SEMA4F: variants seen among roughly 807,000 people sequenced by gnomAD.
SEMA4F encodes semaphorin-4F.
SEMA4F carries 51 observed loss-of-function variants against 78.4 expected under a neutral mutation model. The ratio of observed to expected loss-of-function variants is 0.65; its 90% CI spans 0.52 to 0.82. The LOEUF (loss-of-function observed/expected upper bound fraction) is 0.82. Among genes scored for constraint, SEMA4F ranks in the 40% least tolerant of loss-of-function variants. SEMA4F has a pLI of 0.00. For missense variants in SEMA4F, 938 were observed against 1,014.4 expected (o/e 0.92, Z 1.02); for synonymous variants, 418 against 408.7 (o/e 1.02, Z -0.27).
At chr2:74,668,929 CAAAA>C (rs1308342967) in intron 5 of SEMA4F, among the ~76,000 whole-genome samples, 2 of 55,642 alleles carry the variant, frequency 3.6e-5, no homozygotes, top group Non-Finnish European at 7.2e-5. Context: ...CAAGCGTGGC[CAAAA>C]AAAAAAAAAA....
the SEMA4F span, among the ~76,000 whole-genome samples, chr2:74,706,635 A>G: frequency 6.6e-6 from 1 of 152,180 alleles, no homozygotes; most frequent in East Asian, 1.9e-4. Flanking sequence ...GACGTGGGGA[A>G]GTTTCTGACA....
In SEMA4F at chr2:74,658,720, T is replaced by C. The variant is rs150185144; in HGVS notation, c.456+769T>C. On this transcript the variant is annotated intron_variant, in intron 4 of 13. Coordinates refer to ENST00000357877, the MANE Select transcript of SEMA4F (RefSeq NM_004263.5). This position sits in a 1 kb window ranked among gnomAD's most constrained non-coding sequence, Gnocchi z 4.3. ...TCTGTTACACAGTAGTCAGCACTGG[T>C]CTTTTGGCAGCTCACATTTGTGACA... 4.5e-3 allele frequency among the ~76,000 whole-genome samples: 690 copies of C among 152,326 alleles called. 8 individuals are homozygous for C. Among genetic ancestry groups the C allele is most frequent in the African/African-American group, 0.016 (656 of 41,566 alleles).
At chr2:74,676,064 C>T (rs1662780998) in intron 12 of SEMA4F, among the ~76,000 whole-genome samples, 155 bp downstream of exon 12, 1 of 152,242 alleles carries the variant, frequency 6.6e-6, no homozygotes, top group Admixed American at 6.5e-5. Flanking sequence ...TCTGTCAGTC[C>T]ATACTAGCTC....
the SEMA4F span, among the ~76,000 whole-genome samples, chr2:74,695,862 A>G: frequency 6.6e-6 from 1 of 152,198 alleles, no homozygotes; most frequent in Non-Finnish European, 1.5e-5. Flanking sequence ...CTGTACAACG[A>G]AAGGGCACAG....
the SEMA4F span, among the ~76,000 whole-genome samples, chr2:74,695,158 G>T: frequency 0.024 from 3,672 of 152,306 alleles, 127 homozygotes; most frequent in African/African-American, 0.074. Flanking sequence ...ATCTCTGCGT[G>T]TCTCAGCAGG....
At chr2:74,706,574 T>G in the SEMA4F span, among the ~76,000 whole-genome samples, 4 of 152,084 alleles carry the variant, frequency 2.6e-5, no homozygotes, top group South Asian at 2.1e-4. Context: ...CCAAAGAATG[T>G]GGGTGCAGTG....
In SEMA4F at chr2:74,680,294, CCATCCCAG is replaced by C; in HGVS notation, c.*87_*94del. 7.0e-7 allele frequency: 1 copy of C among 1,436,664 alleles called. No individual in the cohort carries two copies. Among genetic ancestry groups the C allele is most frequent in the Non-Finnish European group, 9.4e-7 (1 of 1,066,674 alleles). 89.0% of individuals were successfully genotyped at this position (1,436,664 alleles called of 1,614,324 possible). On this transcript the variant is annotated 3_prime_UTR_variant, in exon 14 of 14. Coordinates refer to ENST00000357877, the MANE Select transcript of SEMA4F (RefSeq NM_004263.5). ...GCTGGGGGTCACTGGGCCTGGAAGA[CCATCCCAG>C]CCTCTGAGTTCTCTTTGAGTATGAG...
rs1684490193 is a variant in SEMA4F at position 74,662,716 on chromosome 2, C to T, written c.457-16C>T. The T allele has an allele frequency of 1.2e-6, 2 of 1,608,922 alleles. No homozygotes were observed. The highest frequency in any genetic ancestry group is 8.5e-7 in the Non-Finnish European group (1 of 1,175,344). On this transcript the variant is annotated splice_polypyrimidine_tract_variant and intron_variant, in intron 4 of 13. Transcript: ENST00000357877. ...CCCTATGACCCCTAAACCAATTGCC[C>T]CCTTCTGGTCTATAGGATGTGTCCA...
chr2:74,675,405 G>C, intron 10 of SEMA4F, 21 bp downstream of exon 10: 2 of 1,609,720 alleles, frequency 1.2e-6, no homozygotes, highest in Non-Finnish European at 1.7e-6. Flanking sequence ...TGGTCAAGCA[G>C]GCTGCCTACC....
chr2:74,705,882 TAA>T, the SEMA4F span, among the ~76,000 whole-genome samples: 1 of 152,222 alleles, frequency 6.6e-6, no homozygotes, highest in Admixed American at 6.5e-5. Context: ...TGCACATTTT[TAA>T]AGTTTCAAAA....
At chr2:74,665,252 C>G (rs1684629323) in intron 5 of SEMA4F, among the ~76,000 whole-genome samples, 1 of 126,792 alleles carries the variant, frequency 7.9e-6, no homozygotes, top group Admixed American at 9.2e-5. Flanking sequence ...TTTTTTGAGA[C>G]AGAGTCTTGA....
At chr2:74,701,159 G>A in the SEMA4F span, among the ~76,000 whole-genome samples, 1 of 152,110 alleles carries the variant, frequency 6.6e-6, no homozygotes, top group African/African-American at 2.4e-5. Flanking sequence ...GGGCATGGAG[G>A]TCTCCATTGT....
the SEMA4F span, among the ~76,000 whole-genome samples, chr2:74,692,375 G>A: frequency 3.6e-3 from 555 of 152,180 alleles, 32 homozygotes; most frequent in East Asian, 0.085. Flanking sequence ...CCCAAGGGAG[G>A]AAACACATAT....
At position 74,682,448 on chromosome 2, in the gene SEMA4F, G is replaced by C. The variant is rs1264919175; in HGVS notation, c.*2239G>C. 6.6e-6 allele frequency: 1 copy of C among 152,028 alleles called. No homozygotes were observed. Among genetic ancestry groups the C allele is most frequent in the Non-Finnish European group, 1.5e-5 (1 of 68,256 alleles). The allele number at this position is 152,028 out of a possible 1,614,324, so 9.4% of individuals were successfully genotyped here. A position where few individuals can be genotyped will look rare whatever the true frequency, so the allele number is the denominator to read the frequency against. On this transcript the variant is annotated 3_prime_UTR_variant, in exon 14 of 14. Coordinates refer to ENST00000357877, the MANE Select transcript of SEMA4F (RefSeq NM_004263.5). ...AAAAAAAAAGATAACCATGACACTCGCAATCATATTAAGCCTCACTCAGTA... is the reference window on the plus strand; with the variant it reads ...AAAAAAAAAGATAACCATGACACTCCCAATCATATTAAGCCTCACTCAGTA...
the SEMA4F span, among the ~76,000 whole-genome samples, chr2:74,707,909 G>C: frequency 6.6e-6 from 1 of 152,028 alleles, no homozygotes. Context: ...CCTCAAGATC[G>C]GTTCAACTAA....
Position 74,681,172 on chromosome 2 carries a change from C to T in SEMA4F, c.*963C>T, listed in dbSNP as rs3025994. 47,287 of 152,542 alleles carry T rather than the reference C, an allele frequency of 0.31. 11,337 individuals carry two copies. Among genetic ancestry groups the T allele is most frequent in the East Asian group, 0.82 (4,248 of 5,172 alleles). 9.4% of individuals were successfully genotyped at this position (152,542 alleles called of 1,614,324 possible). ...TGATTAGGGAACAACAGAAGGGGAACAGTCATAGGATATACGAGCAGTATA... is the reference window on the plus strand; with the variant it reads ...TGATTAGGGAACAACAGAAGGGGAATAGTCATAGGATATACGAGCAGTATA... On this transcript the variant is annotated 3_prime_UTR_variant, in exon 14 of 14. Transcript: ENST00000357877.
the SEMA4F span, among the ~76,000 whole-genome samples, chr2:74,694,562 T>A: frequency 6.6e-6 from 1 of 152,302 alleles, no homozygotes; most frequent in African/African-American, 2.4e-5. Flanking sequence ...GCGTTCCTAT[T>A]CCCAGTCATT....
chr2:74,709,391 A>G, the SEMA4F span, among the ~76,000 whole-genome samples: 1 of 152,222 alleles, frequency 6.6e-6, no homozygotes, highest in Non-Finnish European at 1.5e-5. Flanking sequence ...TCAGGAATAA[A>G]AGGGAGATTG....
Position 74,675,317 on chromosome 2 carries a change from C to T in SEMA4F, c.1305C>T (p.Leu435=), listed in dbSNP as rs369449906. The change falls in exon 10 of 14, where the codon CTC becomes CTT. Residue 435 remains leucine (L), a synonymous_variant. Coordinates refer to ENST00000357877, the MANE Select transcript of SEMA4F (RefSeq NM_004263.5). The part of the protein sequence containing the change: ...PLLVTTDTAY[L]RVVAHRVTSL... Reference sequence around the variant, plus strand: ...TGGTCACTACAGATACAGCCTATCTCAGAGTCGTGGCCCACAGGGTGACCA... The same window carrying T: ...TGGTCACTACAGATACAGCCTATCTTAGAGTCGTGGCCCACAGGGTGACCA... The T allele has an allele frequency of 1.1e-5, 18 of 1,614,052 alleles. No homozygotes were observed. Among genetic ancestry groups the T allele is most frequent in the Non-Finnish European group, 1.4e-5 (16 of 1,180,038 alleles).
Sources: allele counts gnomAD v4.1 joint callset (sites outside exome capture counted in the v4.1 genomes callset), GRCh38; gene constraint gnomAD v4.1.1; non-coding constraint Gnocchi (gnomAD v3.1); transcripts MANE v1.5; gene names NCBI Gene and HGNC (gene_info 2026-07-23, HGNC 2026-07-21).